The following GC variants were observed in gnomAD, a reference collection of about 807,000 sequenced individuals.
GC encodes vitamin D-binding protein.
Under a neutral mutation model 56.7 loss-of-function variants are expected in GC, and 43 were observed. The ratio of observed to expected loss-of-function variants is 0.76; its 90% CI spans 0.59 to 0.98. The LOEUF (loss-of-function observed/expected upper bound fraction) is 0.98. Ranked by LOEUF, GC falls within the 50% of genes least tolerant of loss-of-function variation. GC has a pLI of 0.00. For synonymous variants in GC, 216 were observed against 202.7 expected, an observed-to-expected ratio of 1.07 and a Z score of -0.56; for missense variants, 529 against 545.9, an observed-to-expected ratio of 0.97 and a Z score of 0.31.
At chr4:71,743,198 C>T (rs762460418) in intron 12 of GC, among the ~76,000 whole-genome samples, 8 of 152,078 alleles carry the variant, frequency 5.3e-5, no homozygotes, top group Non-Finnish European at 7.4e-5. Flanking sequence ...TACTAGGGAT[C>T]GGAATACCTT....
chr4:71,747,704 C>T (rs1424018118), intron 11 of GC, among the ~76,000 whole-genome samples: 1 of 151,992 alleles, frequency 6.6e-6, no homozygotes, highest in Non-Finnish European at 1.5e-5. Context: ...GGTATTCTTG[C>T]AAGAATCTTG....
intron 1 of GC, among the ~76,000 whole-genome samples, chr4:71,774,918 T>C (rs1742459685): frequency 6.6e-6 from 1 of 151,986 alleles, no homozygotes; most frequent in Non-Finnish European, 1.5e-5. Flanking sequence ...TTTAGTGATA[T>C]TCTTTTTATG....
chr4:71,803,704 A>C (rs892670978), intron 1 of GC, among the ~76,000 whole-genome samples: 2 of 152,230 alleles, frequency 1.3e-5, no homozygotes, highest in African/African-American at 4.8e-5. Context: ...TTTTGGAAAT[A>C]TGAATGGATA....
chr4:71,749,385 G>C (rs1741475399), intron 11 of GC, among the ~76,000 whole-genome samples: 1 of 152,192 alleles, frequency 6.6e-6, no homozygotes, highest in Non-Finnish European at 1.5e-5. Context: ...GCATGAATTT[G>C]CGCTTAAAGC....
At chr4:71,761,984 C>A (rs1266885960) in intron 6 of GC, among the ~76,000 whole-genome samples, 1 of 152,182 alleles carries the variant, frequency 6.6e-6, no homozygotes, top group South Asian at 2.1e-4. Context: ...AATAGAGTCC[C>A]TACTGGGGCA....
In GC at chr4:71,758,011, A is replaced by G. The variant is rs749094285; in HGVS notation, c.831+31T>C. 6.9e-6 allele frequency: 11 copies of G among 1,602,338 alleles called. No individual in the cohort carries two copies. In the East Asian group the frequency reaches 8.9e-5, roughly 13 times the overall value. Reference sequence around the variant, plus strand: ...GTACTTGGCACTCAATACCTGGCACATGGTGATAATGATAATAAAGCTTGT... The same window carrying G: ...GTACTTGGCACTCAATACCTGGCACGTGGTGATAATGATAATAAAGCTTGT... On this transcript the variant is annotated intron_variant, in intron 7 of 12. Transcript: ENST00000273951.
At chr4:71,776,369 C>T (rs1742507586) in intron 1 of GC, among the ~76,000 whole-genome samples, 1 of 151,704 alleles carries the variant, frequency 6.6e-6, no homozygotes, top group Admixed American at 6.6e-5. Context: ...ACATGGATGA[C>T]CCTGGAGAAC....
chr4:71,745,071 C>G (rs1741320311), intron 12 of GC, among the ~76,000 whole-genome samples: 1 of 152,138 alleles, frequency 6.6e-6, no homozygotes, highest in African/African-American at 2.4e-5. Flanking sequence ...GCTAGTATTA[C>G]TGCTAATATT....
chr4:71,756,983 T>C, intron 7 of GC, 69 bp from the exon 8 acceptor site: 1 of 1,047,598 alleles, frequency 9.5e-7, no homozygotes, highest in Non-Finnish European at 1.5e-6. Context: ...AAGAATTACA[T>C]AGGCTTACAA....
At position 71,752,539 on chromosome 4, in the gene GC, A is replaced by C. The variant is rs533350908; in HGVS notation, c.1374T>G (p.Pro458=). ...FASNCCSINS[P]PLYCDSEIDA... is the part of the protein sequence containing the mutation. ...CTACCTCTGAATCACAGTAAAGAGGAGGTGAGTTTATGGAACAGCAGTTGG... is the reference window on the plus strand; with the variant it reads ...CTACCTCTGAATCACAGTAAAGAGGCGGTGAGTTTATGGAACAGCAGTTGG... The change falls in exon 11 of 13, where the codon CCT becomes CCG. Residue 458 remains proline, a synonymous_variant. Transcript: ENST00000273951. 1.9e-6 allele frequency: 3 copies of C among 1,613,078 alleles called. No homozygotes were observed. The highest frequency in any genetic ancestry group is 2.7e-5 in the African/African-American group (2 of 74,870).
intron 1 of GC, among the ~76,000 whole-genome samples, chr4:71,774,574 G>T (rs972543780): frequency 2.0e-5 from 3 of 151,864 alleles, no homozygotes; most frequent in Non-Finnish European, 4.4e-5. Context: ...TAATTTGGAC[G>T]CTTAGAACAC....
intron 3 of GC, among the ~76,000 whole-genome samples, chr4:71,766,122 A>T (rs1391537251): frequency 6.6e-6 from 1 of 151,924 alleles, no homozygotes; most frequent in Non-Finnish European, 1.5e-5. Flanking sequence ...AAATGAGTAG[A>T]CTCTTGATTG....
At chr4:71,775,573 C>A (rs1430634530) in intron 1 of GC, among the ~76,000 whole-genome samples, 3 of 151,874 alleles carry the variant, frequency 2.0e-5, no homozygotes, top group African/African-American at 7.2e-5. Flanking sequence ...AGGGGAAAAG[C>A]TCCATGATGT....
intron 1 of GC, among the ~76,000 whole-genome samples, chr4:71,801,277 T>C (rs181561990): frequency 6.6e-6 from 1 of 152,302 alleles, no homozygotes; most frequent in Non-Finnish European, 1.5e-5. Flanking sequence ...AAATGAAATA[T>C]CGCTTTACAC....
intron 1 of GC, among the ~76,000 whole-genome samples, chr4:71,801,052 G>A (rs771321963): frequency 1.3e-5 from 2 of 152,044 alleles, no homozygotes; most frequent in South Asian, 4.1e-4. Flanking sequence ...GACAACCCAC[G>A]GATTGAGAGA....
intron 1 of GC, among the ~76,000 whole-genome samples, chr4:71,796,335 A>G (rs939471533): frequency 6.6e-6 from 1 of 152,098 alleles, no homozygotes; most frequent in African/African-American, 2.4e-5. Context: ...ACATAGCCCC[A>G]TATTTCTTGG....
At chr4:71,771,160 C>A (rs1310772806) in intron 1 of GC, among the ~76,000 whole-genome samples, 1 of 152,124 alleles carries the variant, frequency 6.6e-6, no homozygotes, top group African/African-American at 2.4e-5. Context: ...TTGGGAAAGT[C>A]ATCTCAGGTG....
upstream of GC, among the ~76,000 whole-genome samples, chr4:71,788,711 G>GAGAA (rs1488376235): frequency 2.7e-5 from 4 of 149,338 alleles, no homozygotes; most frequent in South Asian, 8.6e-4. Flanking sequence ...AAGAAAGAAT[G>GAGAA]AGAAAGAAAG....
chr4:71,755,719 T>C (rs892701487), intron 8 of GC, among the ~76,000 whole-genome samples: 2 of 152,358 alleles, frequency 1.3e-5, no homozygotes, highest in East Asian at 1.9e-4. Context: ...ACTGTCTTTG[T>C]GCAAGCATAA....
Sources: gnomAD v4.1 joint callset for allele counts (sites outside exome capture counted in the v4.1 genomes callset) on GRCh38, gnomAD v4.1.1 for gene constraint, MANE v1.5 for transcripts, NCBI Gene and HGNC (gene_info 2026-07-23, HGNC 2026-07-21) for gene names.